The following CORO2B variants were observed in gnomAD, a reference collection of about 807,000 sequenced individuals.
CORO2B encodes coronin 2B.
In CORO2B, 26 loss-of-function variants were observed where a neutral mutation model predicts 58.8. The ratio of observed to expected loss-of-function variants is 0.44; its 90% CI spans 0.32 to 0.61. The LOEUF (loss-of-function observed/expected upper bound fraction) is 0.61. Among genes scored for constraint, CORO2B ranks in the 20% least tolerant of loss-of-function variants. The pLI is 0.04. For missense variants in CORO2B, 460 were observed against 645.1 expected (o/e 0.71, Z 3.11); for synonymous variants, 242 against 253.8 (o/e 0.95, Z 0.44).
At chr15:68,719,314 C>G in intron 10 of CORO2B, 80 bp downstream of exon 10, 2 of 1,596,950 alleles carry the variant, frequency 1.3e-6, no homozygotes, top group Non-Finnish European at 1.7e-6. Context: ...TTCTCCTTGT[C>G]TGTCCCCCTG....
the CORO2B span, among the ~76,000 whole-genome samples, chr15:68,572,675 G>C: frequency 6.6e-6 from 1 of 152,094 alleles, no homozygotes; most frequent in African/African-American, 2.4e-5. Context: ...TTTCAAAAAA[G>C]CTCCCAGGTG....
the CORO2B span, among the ~76,000 whole-genome samples, chr15:68,558,283 C>A: frequency 6.6e-6 from 1 of 152,192 alleles, no homozygotes; most frequent in Non-Finnish European, 1.5e-5. Flanking sequence ...TGCTGCTGCC[C>A]CTGCCTGGCA....
chr15:68,694,247 G>A (rs962646137), intron 2 of CORO2B, among the ~76,000 whole-genome samples: 1 of 152,172 alleles, frequency 6.6e-6, no homozygotes, highest in Non-Finnish European at 1.5e-5. Context: ...CATCTAAGCT[G>A]TACAATAATA....
Position 68,694,352 on chromosome 15 carries a change from A to G in CORO2B, c.217-788A>G, listed in dbSNP as rs568384406. Among the ~76,000 whole-genome samples the G allele has an allele frequency of 3.9e-5, 6 of 152,382 alleles. No individual in the cohort carries two copies. In the East Asian group the frequency reaches 9.6e-4, roughly 24 times the overall value. ...CATAATCTTCACAACAATGCTAAAAAGTAGACATTGCTATTCTCATTTTAG... is the reference window on the plus strand; with the variant it reads ...CATAATCTTCACAACAATGCTAAAAGGTAGACATTGCTATTCTCATTTTAG... On this transcript the variant is annotated intron_variant, in intron 2 of 11. Coordinates refer to ENST00000261861, the MANE Select transcript of CORO2B (RefSeq NM_006091.5).
chr15:68,652,259 A>C (rs944515705), intron 2 of CORO2B, among the ~76,000 whole-genome samples: 3 of 152,144 alleles, frequency 2.0e-5, no homozygotes, highest in Non-Finnish European at 4.4e-5. Context: ...CCTAGTTAAC[A>C]TTCAGCTGCC....
chr15:68,536,482 A>AATATT, the CORO2B span, among the ~76,000 whole-genome samples: 1 of 152,222 alleles, frequency 6.6e-6, no homozygotes, highest in African/African-American at 2.4e-5. Context: ...CCTGGTCTAT[A>AATATT]ATAGCACAGC....
rs144226285 is a variant in CORO2B at position 68,645,207 on chromosome 15, C to T, written c.63C>T (p.Tyr21=). Residue 21 remains tyrosine (Y), a synonymous_variant, in exon 2 of 12, where the codon TAC becomes TAT. Coordinates refer to ENST00000261861, the MANE Select transcript of CORO2B (RefSeq NM_006091.5). This position sits in a 1 kb window ranked among gnomAD's most constrained non-coding sequence, Gnocchi z 4.5. The part of the protein sequence containing the change: ...QYRSSKFRNV[Y]GKVANREHCF... The stretch of plus-strand genomic sequence containing the variant: ...GTAGCTCCAAGTTCCGGAATGTCTA[C>T]GGGAAGGTGGCCAACCGGGAGCACT... The T allele has an allele frequency of 4.3e-5, 70 of 1,614,058 alleles. 1 individual carries two copies. In the African/African-American group the frequency reaches 5.5e-4, roughly 13 times the overall value.
At chr15:68,644,893 G>T (rs1486118480) in intron 1 of CORO2B, among the ~76,000 whole-genome samples, 1 of 152,170 alleles carries the variant, frequency 6.6e-6, no homozygotes, top group African/African-American at 2.4e-5. Context: ...TAGAAAGTGG[G>T]GTGGGCATGT....
intron 1 of CORO2B, among the ~76,000 whole-genome samples, chr15:68,636,834 A>C (rs1426978666): frequency 2.0e-5 from 3 of 152,234 alleles, no homozygotes; most frequent in East Asian, 1.9e-4. Context: ...CTTTTCTCCC[A>C]GTGCTGTCCA....
intron 1 of CORO2B, among the ~76,000 whole-genome samples, chr15:68,642,654 C>T (rs1323546885): frequency 6.6e-6 from 1 of 152,160 alleles, no homozygotes. Context: ...TTCAGAAGAC[C>T]CTGGTATCAC....
chr15:68,700,791 G>T (rs1368986002), intron 3 of CORO2B, among the ~76,000 whole-genome samples: 1 of 97,950 alleles, frequency 1.0e-5, no homozygotes, highest in African/African-American at 3.6e-5. Context: ...TTCTCCTGGG[G>T]CCAGCAGCCG....
rs536178385 is a variant in CORO2B at position 68,725,809 on chromosome 15, G to A, written c.1312-34G>A. 3.5e-5 allele frequency: 56 copies of A among 1,611,454 alleles called. No homozygotes were observed. The South Asian group carries it at 5.2e-4, about 15-fold the overall frequency. On this transcript the variant is annotated intron_variant, in intron 11 of 11. Coordinates refer to ENST00000261861, the MANE Select transcript of CORO2B (RefSeq NM_006091.5). Reference sequence around the variant, plus strand: ...CCTTGTCTCACCTGCTCTCTCCTGGGCCCTCCTTGGCCCCCTCTCTTCCTC... The same window carrying A: ...CCTTGTCTCACCTGCTCTCTCCTGGACCCTCCTTGGCCCCCTCTCTTCCTC...
intron 2 of CORO2B, among the ~76,000 whole-genome samples, chr15:68,650,356 TAAAAAAAAA>T (rs532431600): frequency 3.5e-5 from 3 of 86,088 alleles, no homozygotes; most frequent in African/African-American, 1.3e-4. Context: ...AAACTCTGTC[TAAAAAAAAA>T]AAAAAAAAAA....
At chr15:68,629,063 A>G (rs909581807) in intron 1 of CORO2B, among the ~76,000 whole-genome samples, 3 of 152,236 alleles carry the variant, frequency 2.0e-5, no homozygotes, top group Non-Finnish European at 4.4e-5. Flanking sequence ...AGAGCCAGGA[A>G]GGTGAGACCA....
At position 68,705,428 on chromosome 15, in the gene CORO2B, C is replaced by G. The variant is rs150489301; in HGVS notation, c.334-5304C>G. On this transcript the variant is annotated intron_variant, in intron 3 of 11. Transcript: ENST00000261861. Reference sequence around the variant, plus strand: ...ACCCTAGCCTGGGCAAAAGGTGAAACTCTATCTCAAAAAAAAAAAAAAAAA... The same window carrying G: ...ACCCTAGCCTGGGCAAAAGGTGAAAGTCTATCTCAAAAAAAAAAAAAAAAA... Among the ~76,000 whole-genome samples, 605 of 113,796 alleles carry G rather than the reference C, an allele frequency of 5.3e-3. 8 individuals are homozygous for G. The highest frequency in any genetic ancestry group is 0.022 in the African/African-American group (572 of 25,574). The allele number at this position is 113,796 out of a possible 152,430, so 74.7% of individuals were successfully genotyped here.
At chr15:68,551,255 T>G in the CORO2B span, among the ~76,000 whole-genome samples, 1 of 151,916 alleles carries the variant, frequency 6.6e-6, no homozygotes, top group Non-Finnish European at 1.5e-5. Context: ...GGGGGCTCAT[T>G]CTGTGTGAGT....
intron 1 of CORO2B, among the ~76,000 whole-genome samples, chr15:68,642,100 G>A (rs1237269656): frequency 3.4e-5 from 5 of 147,448 alleles, no homozygotes; most frequent in Middle Eastern, 3.5e-3. Flanking sequence ...GCAGTGGCGC[G>A]ATCTCGGCTC....
chr15:68,694,020 G>C (rs891001287), intron 2 of CORO2B, among the ~76,000 whole-genome samples: 3 of 152,136 alleles, frequency 2.0e-5, no homozygotes, highest in African/African-American at 7.2e-5. Context: ...ATTTTTAGTA[G>C]AGATGGGGTT....
At chr15:68,537,537 T>A in the CORO2B span, among the ~76,000 whole-genome samples, 1 of 152,022 alleles carries the variant, frequency 6.6e-6, no homozygotes, top group African/African-American at 2.4e-5. Flanking sequence ...GGTGTGCAGG[T>A]TTGTTACGTA....
Sources: allele counts gnomAD v4.1 joint callset (sites outside exome capture counted in the v4.1 genomes callset), GRCh38; gene constraint gnomAD v4.1.1; non-coding constraint Gnocchi (gnomAD v3.1); transcripts MANE v1.5; gene names NCBI Gene and HGNC (gene_info 2026-07-23, HGNC 2026-07-21).